OXR1: variants seen among roughly 807,000 people sequenced by gnomAD.
OXR1 encodes the protein oxidation resistance protein 1.
A neutral mutation model predicts 104.6 loss-of-function variants in OXR1; 41 were observed. The ratio of observed to expected loss-of-function variants is 0.39; its 90% CI spans 0.31 to 0.51. The LOEUF (loss-of-function observed/expected upper bound fraction) is 0.51. OXR1 is among the 20% of genes least tolerant of loss of function. The pLI, the probability that OXR1 is intolerant of heterozygous loss-of-function variation, is 0.77. For synonymous variants in OXR1, 348 were observed against 348.4 expected (o/e 1.00, Z 0.01); for missense variants, 955 against 1,031.9 (o/e 0.93, Z 1.02).
intron 1 of OXR1, among the ~76,000 whole-genome samples, chr8:106,344,245 G>C (rs565454737): frequency 6.6e-6 from 1 of 151,332 alleles, no homozygotes; most frequent in Non-Finnish European, 1.5e-5. Flanking sequence ...GCAGATATCT[G>C]CTTCCCACGA....
intron 2 of OXR1, among the ~76,000 whole-genome samples, chr8:106,372,948 C>T (rs1816768108): frequency 6.6e-6 from 1 of 152,140 alleles, no homozygotes; most frequent in Non-Finnish European, 1.5e-5. Flanking sequence ...CCTCGATATC[C>T]ATGAGTTCCA....
chr8:106,306,047 C>CTT (rs146495381), intron 1 of OXR1, among the ~76,000 whole-genome samples: 5 of 148,008 alleles, frequency 3.4e-5, no homozygotes, highest in Admixed American at 6.8e-5. Flanking sequence ...CTTCAGAGCT[C>CTT]TTTTTTTTTT....
At chr8:106,669,494 C>T (rs1826706548) in intron 3 of OXR1, among the ~76,000 whole-genome samples, 1 of 151,638 alleles carries the variant, frequency 6.6e-6, no homozygotes, top group Non-Finnish European at 1.5e-5. Flanking sequence ...GTTGAAAATA[C>T]AGGTTTTTTT....
intron 2 of OXR1, among the ~76,000 whole-genome samples, chr8:106,386,337 T>A (rs1277088163): frequency 6.6e-6 from 1 of 152,178 alleles, no homozygotes; most frequent in East Asian, 1.9e-4. Flanking sequence ...TTTTTCTGAT[T>A]TTTAAGACAG....
chr8:106,285,552 G>T (rs1812460334), intron 1 of OXR1, among the ~76,000 whole-genome samples: 1 of 152,050 alleles, frequency 6.6e-6, no homozygotes, highest in African/African-American at 2.4e-5. Context: ...AACGTTTCAT[G>T]TGAAGCAAAG....
intron 2 of OXR1, among the ~76,000 whole-genome samples, chr8:106,384,227 G>A (rs991703671): frequency 6.6e-6 from 1 of 152,182 alleles, no homozygotes; most frequent in South Asian, 2.1e-4. Context: ...GATGATGATG[G>A]TATCATTAAG....
intron 2 of OXR1, among the ~76,000 whole-genome samples, chr8:106,378,022 T>C (rs1220802605): frequency 6.6e-6 from 1 of 152,220 alleles, no homozygotes; most frequent in Non-Finnish European, 1.5e-5. Flanking sequence ...TTTTGTCTAG[T>C]ACTTCATGTG....
At chr8:106,694,927 T>TTATATATATATAAATATAAAATATTTA (rs1829822679) in intron 7 of OXR1, among the ~76,000 whole-genome samples, 1 of 136,638 alleles carries the variant, frequency 7.3e-6, no homozygotes, top group Admixed American at 7.9e-5. Context: ...TTATATATAT[T>TTATATATATATAAATATAAAATATTTA]TATATATATA....
rs375219653 is a variant in OXR1, at chr8:106,742,204, T to G, written c.2317-18T>G. 38 of 1,379,830 alleles carry G rather than the reference T, an allele frequency of 2.8e-5. No individual in the cohort carries two copies. The highest frequency in any genetic ancestry group is 3.9e-5 in the Non-Finnish European group (38 of 967,602). The allele number at this position is 1,379,830 out of a possible 1,614,324, so 85.5% of individuals were successfully genotyped here. On this transcript the variant is annotated intron_variant, in intron 14 of 16. Coordinates refer to ENST00000517566, the MANE Select transcript of OXR1 (RefSeq NM_001198533.2). Reference sequence around the variant, plus strand: ...AATTTGTTAGTCGTGTCATTGAATATGCCTTTTTTATCCTTAGGTTTTTGG... The same window carrying G: ...AATTTGTTAGTCGTGTCATTGAATAGGCCTTTTTTATCCTTAGGTTTTTGG...
intron 2 of OXR1, among the ~76,000 whole-genome samples, chr8:106,500,319 C>T (rs1367905825): frequency 6.6e-6 from 1 of 152,162 alleles, no homozygotes; most frequent in Non-Finnish European, 1.5e-5. Context: ...CCTGCCTGGC[C>T]TAAACCCAGC....
intron 15 of OXR1, among the ~76,000 whole-genome samples, chr8:106,744,242 A>G (rs1350102147): frequency 6.6e-6 from 1 of 152,174 alleles, no homozygotes; most frequent in African/African-American, 2.4e-5. Flanking sequence ...GATGGCATAA[A>G]TGAAAAAACC....
At chr8:106,668,558 A>T (rs1826594033) in intron 3 of OXR1, among the ~76,000 whole-genome samples, 1 of 152,204 alleles carries the variant, frequency 6.6e-6, no homozygotes, top group Admixed American at 6.5e-5. Flanking sequence ...AAGAGAGCTA[A>T]GAAGTACAAT....
intron 3 of OXR1, chr8:106,617,861 A>C (rs1821370926): frequency 5.5e-6 from 1 of 181,224 alleles, no homozygotes; most frequent in Admixed American, 6.5e-5. Flanking sequence ...TAGACTTTAC[A>C]GTATCAACTT....
At chr8:106,398,287 A>C (rs1164673219) in intron 2 of OXR1, among the ~76,000 whole-genome samples, 5 of 152,156 alleles carry the variant, frequency 3.3e-5, no homozygotes, top group Non-Finnish European at 7.4e-5. Context: ...CACCTGGGGA[A>C]CTTTGAAAAA....
chr8:106,327,749 T>C (rs747604758), intron 1 of OXR1, among the ~76,000 whole-genome samples: 1 of 152,226 alleles, frequency 6.6e-6, no homozygotes, highest in Non-Finnish European at 1.5e-5. Context: ...AGTTCTCTAA[T>C]ATTTGGTTAC....
At chr8:106,466,348 C>T (rs1821168544) in intron 2 of OXR1, among the ~76,000 whole-genome samples, 1 of 151,756 alleles carries the variant, frequency 6.6e-6, no homozygotes, top group African/African-American at 2.4e-5. Flanking sequence ...CCCAGAGTCA[C>T]TTTTTTTGTG....
intron 3 of OXR1, among the ~76,000 whole-genome samples, chr8:106,634,714 A>G (rs1822988594): frequency 6.6e-6 from 1 of 152,186 alleles, no homozygotes; most frequent in African/African-American, 2.4e-5. Flanking sequence ...ACTTAACATC[A>G]TTTACTTAAT....
chr8:106,518,593 CTAA>C (rs1414772712), intron 2 of OXR1, among the ~76,000 whole-genome samples: 1 of 152,028 alleles, frequency 6.6e-6, no homozygotes, highest in Non-Finnish European at 1.5e-5. Context: ...TTATTTTTAA[CTAA>C]TGTTTCACTG....
chr8:106,679,037 G>A (rs1827882623), intron 3 of OXR1, among the ~76,000 whole-genome samples, 173 bp from the exon 4 acceptor site: 1 of 151,880 alleles, frequency 6.6e-6, no homozygotes, highest in African/African-American at 2.4e-5. Flanking sequence ...AAGCAAGTAG[G>A]AAGTTCAGTT....
Sources: gnomAD v4.1 joint callset for allele counts (sites outside exome capture counted in the v4.1 genomes callset) on GRCh38, gnomAD v4.1.1 for gene constraint, MANE v1.5 for transcripts, NCBI Gene and HGNC (gene_info 2026-07-23, HGNC 2026-07-21) for gene names.